Variants in CDT1 observed in about 807,000 individuals in gnomAD.
CDT1 encodes the protein chromatin licensing and DNA replication factor 1.
In CDT1, 66 loss-of-function variants were observed where a neutral mutation model predicts 49.3. The observed-to-expected ratio is 1.34, with a 90% CI of 1.10 to 1.64. The LOEUF (loss-of-function observed/expected upper bound fraction) is 1.64. Ranked by LOEUF, CDT1 falls within the 40% of genes most tolerant of loss-of-function variation. The pLI is 0.00. For synonymous variants in CDT1, 424 were observed against 347.4 expected (o/e 1.22, Z -2.45); for missense variants, 958 against 807.7 (o/e 1.19, Z -2.26).
rs1213710667 is a variant in CDT1 at position 88,808,116 on chromosome 16, G to A, written c.1479G>A (p.Gly493=). ...VGSCCTIMSP[G]EMEKHLLLLS... ...CAGTGTCCTCCTCTCCTCCCCCAGG[G>A]GAAATGGAGAAGCACCTGCTGCTCC... Residue 493 remains glycine, a splice_region_variant and synonymous_variant, in exon 10 of 10, where the codon GGG becomes GGA. Coordinates refer to ENST00000301019, the MANE Select transcript of CDT1 (RefSeq NM_030928.4). 1.2e-6 allele frequency: 2 copies of A among 1,612,274 alleles called. No homozygotes were observed. Among genetic ancestry groups the A allele is most frequent in the African/African-American group, 1.3e-5 (1 of 74,916 alleles).
intron 7 of CDT1, 136 bp from the exon 8 acceptor site, chr16:88,806,915 C>T: frequency 7.9e-7 from 1 of 1,266,662 alleles, no homozygotes. Context: ...CACACTGGGA[C>T]ACTGCATTGA....
At chr16:88,804,108 T>C in intron 1 of CDT1, 49 bp downstream of exon 1, 1 of 1,182,182 alleles carries the variant, frequency 8.5e-7, no homozygotes, top group Non-Finnish European at 1.1e-6. Flanking sequence ...GCGGGGAGAC[T>C]GAGGCCCGGG....
Position 88,807,261 on chromosome 16 carries a change from G to A in CDT1, c.1276-20G>A, listed in dbSNP as rs1048189754. ...CTGGTGACCTGCTGCCCACTAACCA[G>A]GTCCCGGTACCTGCTGCAGATCCGA... On this transcript the variant is annotated intron_variant, in intron 8 of 9. Transcript: ENST00000301019. 1 of 1,611,638 alleles carries A rather than the reference G, an allele frequency of 6.2e-7. No homozygotes were observed. Among genetic ancestry groups the A allele is most frequent in the African/African-American group, 1.3e-5 (1 of 74,914 alleles).
At position 88,809,021 on chromosome 16, in the gene CDT1, G is replaced by A. The variant is rs1026042833; in HGVS notation, c.*743G>A. On this transcript the variant is annotated 3_prime_UTR_variant, in exon 10 of 10. Transcript: ENST00000301019. ...TCTCAAAAAAAAAAATTTCAAGACT[G>A]GAGAGGTGATCCTGAATTGTCCAGC... 1.1e-5 allele frequency: 2 copies of A among 177,620 alleles called. No homozygotes were observed. Among genetic ancestry groups the A allele is most frequent in the Admixed American group, 1.1e-4 (2 of 18,186 alleles). The allele number at this position is 177,620 out of a possible 1,614,324, so 11.0% of individuals were successfully genotyped here.
Position 88,805,868 on chromosome 16 carries a change from G to C in CDT1, c.831G>C (p.Gln277His). The change falls in exon 5 of 10, where the codon CAG (glutamine) becomes CAC (histidine). Residue 277 changes from glutamine (Q) to histidine (H), a missense_variant and splice_region_variant. Transcript: ENST00000301019. ...YQLTIEPLLE[Q>H]EADGAAPQLT... ...TCACCATCGAGCCACTGCTGGAGCA[G>C]GGTGAGTGCTGGGTGCGGGACCTCG... 6.2e-7 allele frequency: 1 copy of C among 1,612,944 alleles called. No homozygotes were observed. The highest frequency in any genetic ancestry group is 8.5e-7 in the Non-Finnish European group (1 of 1,179,942).
chr16:88,805,925 G>A (rs1032822398), intron 5 of CDT1, 56 bp downstream of exon 5: 1 of 1,601,428 alleles, frequency 6.2e-7, no homozygotes, highest in Non-Finnish European at 8.5e-7. Flanking sequence ...ACAGTTTCCA[G>A]GGTGGGTGTG....
chr16:88,806,489 T>C lies in CDT1; in HGVS notation c.937T>C (p.Phe313Leu). 6.2e-7 allele frequency: 1 copy of C among 1,610,466 alleles called. No individual in the cohort carries two copies. The highest frequency in any genetic ancestry group is 8.5e-7 in the Non-Finnish European group (1 of 1,179,014). Residue 313 changes from phenylalanine (F) to leucine (L), a missense_variant, in exon 7 of 10, where the codon TTC (phenylalanine) becomes CTC (leucine). Coordinates refer to ENST00000301019, the MANE Select transcript of CDT1 (RefSeq NM_030928.4). Reference sequence around the variant, plus strand: ...CCCATCTACTCCTTCTCCCCAGGCCTTCCTGGCCTCCCTGAGCCCCGCCAT... The same window carrying C: ...CCCATCTACTCCTTCTCCCCAGGCCCTCCTGGCCTCCCTGAGCCCCGCCAT... ...VEHVKEHHKA[F>L]LASLSPAMVV...
chr16:88,804,965 G>C, intron 3 of CDT1, 67 bp downstream of exon 3: 1 of 1,518,408 alleles, frequency 6.6e-7, no homozygotes, highest in African/African-American at 1.4e-5. Context: ...GTGGCCCAGC[G>C]AGCCTGTCAG....
Position 88,805,439 on chromosome 16 carries a change from G to C in CDT1, c.489-1G>C. The stretch of plus-strand genomic sequence containing the variant: ...TCATGAGGCTCCTCCCTCCCTGACA[G>C]TGGCGAGAAGGCGCCCGCCTACCAG... On this transcript the variant is annotated splice_acceptor_variant, in intron 3 of 9. Transcript: ENST00000301019. LOFTEE classifies it high-confidence loss of function. 2 of 1,612,544 alleles carry C rather than the reference G, an allele frequency of 1.2e-6. No homozygotes were observed. The highest frequency in any genetic ancestry group is 8.5e-7 in the Non-Finnish European group (1 of 1,179,862).
chr16:88,807,765 C>T (rs1243371185), intron 9 of CDT1, among the ~76,000 whole-genome samples: 1 of 152,132 alleles, frequency 6.6e-6, no homozygotes, highest in Non-Finnish European at 1.5e-5. Flanking sequence ...CAGAAGGGGC[C>T]CCACATGCAC....
At chr16:88,806,927 C>A in intron 7 of CDT1, 124 bp from the exon 8 acceptor site, 2 of 1,357,438 alleles carry the variant, frequency 1.5e-6, no homozygotes, top group Non-Finnish European at 2.1e-6. Flanking sequence ...CTGCATTGAC[C>A]GGCACAGACC....
chr16:88,807,340 G>A lies in CDT1; in HGVS notation c.1335G>A (p.Glu445=), dbSNP rs1329153788. The A allele has an allele frequency of 1.2e-6, 2 of 1,612,446 alleles. No homozygotes were observed. Among genetic ancestry groups the A allele is most frequent in the Admixed American group, 1.7e-5 (1 of 60,002 alleles). ...AGATGACGCGGTGCCCGGAGCAGGA[G>A]CAGCGGCTGCAGCGCTTAGAACGGC... ...LAQMTRCPEQ[E]QRLQRLERLP... is the part of the protein sequence containing the mutation. Residue 445 remains glutamate (E), a synonymous_variant, in exon 9 of 10, where the codon GAG becomes GAA. Coordinates refer to ENST00000301019, the MANE Select transcript of CDT1 (RefSeq NM_030928.4).
chr16:88,803,873 C>T lies in CDT1; in HGVS notation c.42C>T (p.Arg14=), dbSNP rs928805845. 6.8e-7 allele frequency: 1 copy of T among 1,476,086 alleles called. No individual in the cohort carries two copies. The highest frequency in any genetic ancestry group is 1.5e-5 in the African/African-American group (1 of 68,182). The allele number at this position is 1,476,086 out of a possible 1,614,324, so 91.4% of individuals were successfully genotyped here. A position where few individuals can be genotyped will look rare whatever the true frequency, so the allele number is the denominator to read the frequency against. The change falls in exon 1 of 10, where the codon CGC becomes CGT. Residue 14 remains arginine (R), a synonymous_variant. Transcript: ENST00000301019. ...TCACCGACTTCTTCGCGCGCCGCCG[C>T]CCCGGGCCCCCCCGCATCGCGCCGC... ...RRVTDFFARR[R]PGPPRIAPPK...
chr16:88,804,202 G>A, intron 1 of CDT1, 143 bp downstream of exon 1: 2 of 709,656 alleles, frequency 2.8e-6, no homozygotes, highest in Non-Finnish European at 4.2e-6. Context: ...CTCTGGGACA[G>A]GCCGGGGGAT....
chr16:88,804,169 C>G, intron 1 of CDT1, 110 bp downstream of exon 1: 1 of 496,270 alleles, frequency 2.0e-6, no homozygotes, highest in South Asian at 4.8e-5. Flanking sequence ...GGGAAACAGG[C>G]GGGGGGGACG....
chr16:88,803,879 G>T lies in CDT1; in HGVS notation c.48G>T (p.Gly16=). The T allele has an allele frequency of 8.8e-6, 13 of 1,473,740 alleles. No individual in the cohort carries two copies. The highest frequency in any genetic ancestry group is 1.2e-5 in the Non-Finnish European group (13 of 1,109,862). The allele number at this position is 1,473,740 out of a possible 1,614,324, so 91.3% of individuals were successfully genotyped here. A position where few individuals can be genotyped will look rare whatever the true frequency, so the allele number is the denominator to read the frequency against. The part of the protein sequence containing the change: ...VTDFFARRRP[G]PPRIAPPKLA... ...ACTTCTTCGCGCGCCGCCGCCCCGGGCCCCCCCGCATCGCGCCGCCCAAGC... is the reference window on the plus strand; with the variant it reads ...ACTTCTTCGCGCGCCGCCGCCCCGGTCCCCCCCGCATCGCGCCGCCCAAGC... The change falls in exon 1 of 10, where the codon GGG becomes GGT. Residue 16 remains glycine, a synonymous_variant. Transcript: ENST00000301019.
At position 88,808,446 on chromosome 16, in the gene CDT1, G is replaced by T; in HGVS notation, c.*168G>T. On this transcript the variant is annotated 3_prime_UTR_variant, in exon 10 of 10. Transcript: ENST00000301019. ...CTGCACAGCCCGAGGGTCTCTGGCT[G>T]CGGGCGGTGGGCCCCTTCATGGGGC... 1 of 752,460 alleles carries T rather than the reference G, an allele frequency of 1.3e-6. No individual in the cohort carries two copies. Among genetic ancestry groups the T allele is most frequent in the Non-Finnish European group, 2.1e-6 (1 of 476,194 alleles). The allele number at this position is 752,460 out of a possible 1,614,324, so 46.6% of individuals were successfully genotyped here.
chr16:88,805,291 C>A, intron 3 of CDT1, 149 bp from the exon 4 acceptor site: 1 of 901,272 alleles, frequency 1.1e-6, no homozygotes, highest in Non-Finnish European at 1.8e-6. Context: ...CCTAACGGTG[C>A]CAGTGCTGGT....
In CDT1 at chr16:88,804,739, C is replaced by T. The variant is rs536311200; in HGVS notation, c.352-23C>T. 9.3e-6 allele frequency: 15 copies of T among 1,612,776 alleles called. No individual in the cohort carries two copies. In the Admixed American group the frequency reaches 1.2e-4, roughly 13 times the overall value. On this transcript the variant is annotated intron_variant, in intron 2 of 9. Coordinates refer to ENST00000301019, the MANE Select transcript of CDT1 (RefSeq NM_030928.4). Reference sequence around the variant, plus strand: ...GGCCTGCCTGCCTGCCTGACGGCACCGTGTCCCCTGATCCCCCTGAAGGAC... The same window carrying T: ...GGCCTGCCTGCCTGCCTGACGGCACTGTGTCCCCTGATCCCCCTGAAGGAC...
Sources: gnomAD v4.1 joint callset for allele counts (sites outside exome capture counted in the v4.1 genomes callset) on GRCh38, gnomAD v4.1.1 for gene constraint, MANE v1.5 for transcripts, NCBI Gene and HGNC (gene_info 2026-07-23, HGNC 2026-07-21) for gene names.